The following KIAA1217 variants were observed in gnomAD, a reference collection of about 807,000 sequenced individuals.
The protein encoded by KIAA1217 is KIAA1217.
A neutral mutation model predicts 163.9 loss-of-function variants in KIAA1217; 88 were observed. The observed-to-expected ratio is 0.54, with a 90% CI of 0.45 to 0.64. KIAA1217 has a LOEUF of 0.64. Ranked by LOEUF, KIAA1217 falls within the 30% of genes least tolerant of loss-of-function variation. The pLI is 0.00. For missense variants in KIAA1217, 2,372 were observed against 2,475.0 expected (o/e 0.96, Z 0.88); for synonymous variants, 903 against 923.1 (o/e 0.98, Z 0.39).
chr10:24,502,312 A>G (rs950028264), intron 9 of KIAA1217, among the ~76,000 whole-genome samples: 3 of 147,178 alleles, frequency 2.0e-5, no homozygotes, highest in African/African-American at 7.6e-5. Context: ...AGTTTAGAAT[A>G]GAAGATGAAT....
At chr10:24,258,152 G>A (rs2075356163) in intron 2 of KIAA1217, among the ~76,000 whole-genome samples, 1 of 143,858 alleles carries the variant, frequency 7.0e-6, no homozygotes, top group Non-Finnish European at 1.5e-5. Context: ...TTGCATTCCA[G>A]CCTGGGTGGC....
At chr10:24,173,031 A>C (rs1033445113) in intron 2 of KIAA1217, among the ~76,000 whole-genome samples, 21 of 152,316 alleles carry the variant, frequency 1.4e-4, no homozygotes, top group African/African-American at 5.1e-4. Flanking sequence ...GTTAGGAACC[A>C]GGCTGCACAG....
At chr10:23,772,842 T>C (rs564729677) in intron 1 of KIAA1217, among the ~76,000 whole-genome samples, 1 of 152,288 alleles carries the variant, frequency 6.6e-6, no homozygotes, top group East Asian at 1.9e-4. Context: ...TCAAACTTTA[T>C]ACACAAACAA....
intron 5 of KIAA1217, among the ~76,000 whole-genome samples, chr10:24,468,134 T>C (rs2063142742): frequency 6.6e-6 from 1 of 152,162 alleles, no homozygotes; most frequent in African/African-American, 2.4e-5. Flanking sequence ...AATTCTACTT[T>C]TTATTGCAAG....
At chr10:24,419,485 G>A (rs964963838) in intron 3 of KIAA1217, among the ~76,000 whole-genome samples, 1 of 152,182 alleles carries the variant, frequency 6.6e-6, no homozygotes, top group Admixed American at 6.5e-5. Context: ...AGCTAGGTAA[G>A]TCACACAACT....
At chr10:24,037,789 A>G (rs546364203) in intron 2 of KIAA1217, among the ~76,000 whole-genome samples, 1 of 152,348 alleles carries the variant, frequency 6.6e-6, no homozygotes, top group Non-Finnish European at 1.5e-5. Context: ...TCTAATGGCT[A>G]CTTCCTTATT....
chr10:24,130,452 T>C (rs1411271448), intron 2 of KIAA1217, among the ~76,000 whole-genome samples: 1 of 152,228 alleles, frequency 6.6e-6, no homozygotes, highest in Non-Finnish European at 1.5e-5. Context: ...CATCTTTTTG[T>C]GTGCATCAAT....
chr10:24,158,106 G>A lies in KIAA1217; in HGVS notation c.-170-61520G>A, dbSNP rs975506224. On this transcript the variant is annotated intron_variant, in intron 2 of 18. Coordinates refer to the KIAA1217 transcript ENST00000376462. ...AAAAGTGGCGCTCCACAAGTTAGAAGTATATATGATGACATTTCTAGCCTG... is the reference window on the plus strand; with the variant it reads ...AAAAGTGGCGCTCCACAAGTTAGAAATATATATGATGACATTTCTAGCCTG... The A allele has an allele frequency of 5.3e-6, 4 of 754,930 alleles. No individual in the cohort carries two copies. In the African/African-American group the frequency reaches 6.8e-5, roughly 13 times the overall value. The allele number at this position is 754,930 out of a possible 1,614,324, so 46.8% of individuals were successfully genotyped here.
chr10:24,525,653 G>A (rs2072030643), intron 13 of KIAA1217, among the ~76,000 whole-genome samples: 1 of 152,162 alleles, frequency 6.6e-6, no homozygotes, highest in South Asian at 2.1e-4. Flanking sequence ...AGAATGAACG[G>A]TAGAGCAGTC....
At chr10:23,744,572 CA>C (rs1839293314) in intron 1 of KIAA1217, among the ~76,000 whole-genome samples, 1 of 152,052 alleles carries the variant, frequency 6.6e-6, no homozygotes, top group Non-Finnish European at 1.5e-5. Flanking sequence ...CAAGTCTCTC[CA>C]AAGGCAGCCC....
chr10:23,828,008 G>A (rs1756947325), intron 1 of KIAA1217, among the ~76,000 whole-genome samples: 1 of 152,226 alleles, frequency 6.6e-6, no homozygotes, highest in South Asian at 2.1e-4. Context: ...ACAGCATGTT[G>A]TGGAGAATTG....
chr10:23,901,092 T>G (rs77400364), intron 1 of KIAA1217, among the ~76,000 whole-genome samples: 2,614 of 152,240 alleles, frequency 0.017, 43 homozygotes, highest in Admixed American at 0.049. Context: ...CTAACACTTC[T>G]GAATGCTTAC....
chr10:24,191,484 G>GC, intron 2 of KIAA1217, among the ~76,000 whole-genome samples: 1 of 152,028 alleles, frequency 6.6e-6, no homozygotes, highest in Admixed American at 6.6e-5. Context: ...GATAAATGGT[G>GC]CCCCCCTTCT....
rs531214720 is a variant in KIAA1217 at position 24,410,128 on chromosome 10, C to A, written c.554-22867C>A. ...TCTCCTGCCTCAGCCTCCTGAGTAG[C>A]TGCAATTACAGGCACCCGCCACCAC... On this transcript the variant is annotated intron_variant, in intron 3 of 20. Coordinates refer to ENST00000376454, the MANE Select transcript of KIAA1217 (RefSeq NM_019590.5). 5.5e-4 allele frequency among the ~76,000 whole-genome samples: 83 copies of A among 151,626 alleles called. 1 individual carries two copies. The South Asian group carries it at 0.011, about 21-fold the overall frequency.
intron 1 of KIAA1217, among the ~76,000 whole-genome samples, chr10:24,215,557 T>C (rs1224338570): frequency 1.3e-5 from 2 of 152,212 alleles, no homozygotes; most frequent in African/African-American, 4.8e-5. Flanking sequence ...TCTGACAACA[T>C]GGCTGTGGAA....
chr10:24,091,594 C>T (rs2061940331), intron 2 of KIAA1217, among the ~76,000 whole-genome samples: 1 of 151,870 alleles, frequency 6.6e-6, no homozygotes, highest in Non-Finnish European at 1.5e-5. Flanking sequence ...TGTACCTACC[C>T]AGGTCCTGGT....
At chr10:24,267,523 C>T (rs531904041) in intron 2 of KIAA1217, among the ~76,000 whole-genome samples, 52 of 152,248 alleles carry the variant, frequency 3.4e-4, no homozygotes, top group African/African-American at 1.1e-3. Context: ...ATGTTGCCCA[C>T]GCTAGTCTTG....
intron 2 of KIAA1217, among the ~76,000 whole-genome samples, chr10:24,246,961 G>A (rs188893869): frequency 8.6e-5 from 13 of 151,606 alleles, no homozygotes; most frequent in Non-Finnish European, 1.6e-4. Flanking sequence ...TGCAGTGAAC[G>A]GAGATCACAC....
At chr10:24,203,976 G>A (rs1166220740), upstream of KIAA1217, among the ~76,000 whole-genome samples, 1 of 152,188 alleles carries the variant, frequency 6.6e-6, no homozygotes, top group Non-Finnish European at 1.5e-5. Flanking sequence ...GGTCTTTGCT[G>A]CCCAGCATCT....
Sources: allele counts gnomAD v4.1 joint callset (sites outside exome capture counted in the v4.1 genomes callset), GRCh38; gene constraint gnomAD v4.1.1; transcripts MANE v1.5; gene names NCBI Gene and HGNC (gene_info 2026-07-23, HGNC 2026-07-21).